Variants in B3GALT6 observed in about 807,000 individuals in gnomAD.
B3GALT6 encodes GAG GalTII.
A neutral mutation model predicts 23.3 loss-of-function variants in B3GALT6; 27 were observed. The ratio of observed to expected loss-of-function variants is 1.16; its 90% CI spans 0.85 to 1.60. The LOEUF is 1.60. B3GALT6 is among the 40% of genes most tolerant of loss of function. The pLI is 0.00. For missense variants in B3GALT6, 554 were observed against 471.1 expected (o/e 1.18, Z -1.63); for synonymous variants, 313 against 232.3 (o/e 1.35, Z -3.16).
chr1:1,234,901 G>C lies in B3GALT6; in HGVS notation c.*1633G>C, dbSNP rs1345901534. Reference sequence around the variant, plus strand: ...CAGTTCTTTGTGGCTCTGAAGAATTGGCCGCTGTGGAAAAGAGCAAATGTC... The same window carrying C: ...CAGTTCTTTGTGGCTCTGAAGAATTCGCCGCTGTGGAAAAGAGCAAATGTC... On this transcript the variant is annotated 3_prime_UTR_variant, in exon 1 of 1. Transcript: ENST00000379198. The C allele has an allele frequency of 6.0e-6, 1 of 166,848 alleles. No homozygotes were observed. The highest frequency in any genetic ancestry group is 2.4e-5 in the African/African-American group (1 of 41,432). The allele number at this position is 166,848 out of a possible 1,614,324, so 10.3% of individuals were successfully genotyped here.
In B3GALT6 at chr1:1,233,467, C is replaced by G; in HGVS notation, c.*199C>G. On this transcript the variant is annotated 3_prime_UTR_variant, in exon 1 of 1. Transcript: ENST00000379198. ...CCGTGTCCAGGTGGAGGTGCCCGTT[C>G]CTGGACCTCAGCGAGCCTGAGCCGG... is the stretch of plus-strand genomic sequence containing the variant. 1 of 670,182 alleles carries G rather than the reference C, an allele frequency of 1.5e-6. No homozygotes were observed. Among genetic ancestry groups the G allele is most frequent in the Non-Finnish European group, 2.2e-6 (1 of 447,966 alleles). 41.5% of individuals were successfully genotyped at this position (670,182 alleles called of 1,614,324 possible).
chr1:1,233,615 A>G lies in B3GALT6; in HGVS notation c.*347A>G. 3.8e-6 allele frequency: 1 copy of G among 263,292 alleles called. No homozygotes were observed. The highest frequency in any genetic ancestry group is 2.2e-5 in the African/African-American group (1 of 44,722). 16.3% of individuals were successfully genotyped at this position (263,292 alleles called of 1,614,324 possible). The stretch of plus-strand genomic sequence containing the variant: ...CGTCTCAGATCTAACGTGGTTTCAC[A>G]TCAATCCGCTTTCATGGGATTTTGG... On this transcript the variant is annotated 3_prime_UTR_variant, in exon 1 of 1. Transcript: ENST00000379198.
Position 1,232,561 on chromosome 1 carries a change from G to C in B3GALT6, c.283G>C (p.Ala95Pro). 1 of 1,178,578 alleles carries C rather than the reference G, an allele frequency of 8.5e-7. No homozygotes were observed. Among genetic ancestry groups the C allele is most frequent in the African/African-American group, 1.6e-5 (1 of 61,986 alleles). 73.0% of individuals were successfully genotyped at this position (1,178,578 alleles called of 1,614,324 possible). The change falls in exon 1 of 1, where the codon GCC becomes CCC. Residue 95 changes from alanine to proline, a missense_variant. Transcript: ENST00000379198. ...CCCGGGCGACGTGTGGGCGCGCTTT[G>C]CCGTGGGCACGGCCGGCCTGGGCGC... is the stretch of plus-strand genomic sequence containing the variant. Reference protein sequence around the residue: ...GAPGDVWARFAVGTAGLGAEE... With the variant: ...GAPGDVWARFPVGTAGLGAEE...
At position 1,232,672 on chromosome 1, in the gene B3GALT6, C is replaced by A; in HGVS notation, c.394C>A (p.Leu132Ile). Residue 132 changes from leucine to isoleucine, a missense_variant, in exon 1 of 1, where the codon CTC becomes ATC. By Grantham distance (5) the Leu-to-Ile change is conservative. Coordinates refer to ENST00000379198, the MANE Select transcript of B3GALT6 (RefSeq NM_080605.4). ...CGCGCTGCGCGACGCCTACGAAAAC[C>A]TCACGGCCAAGGTGCTGGCCATGCT... ...LPALRDAYENLTAKVLAMLAW... is the reference protein window; with the variant it reads ...LPALRDAYENITAKVLAMLAW... 7.4e-7 allele frequency: 1 copy of A among 1,352,948 alleles called. No individual in the cohort carries two copies. Among genetic ancestry groups the A allele is most frequent in the Non-Finnish European group, 9.5e-7 (1 of 1,048,368 alleles). 83.8% of individuals were successfully genotyped at this position (1,352,948 alleles called of 1,614,324 possible).
rs750875003 is a variant in B3GALT6 at position 1,233,004 on chromosome 1, C to T, written c.726C>T (p.Asp242=). The change falls in exon 1 of 1, where the codon GAC becomes GAT. Residue 242 remains aspartate, a synonymous_variant. Coordinates refer to ENST00000379198, the MANE Select transcript of B3GALT6 (RefSeq NM_080605.4). ...RDYLRAWHSE[D]VSLGAWLAPV... is the part of the protein sequence containing the mutation. ...ACCTGCGCGCCTGGCACAGCGAGGA[C>T]GTGTCTCTGGGCGCCTGGCTGGCGC... 6.4e-7 allele frequency: 1 copy of T among 1,560,472 alleles called. No individual in the cohort carries two copies. Among genetic ancestry groups the T allele is most frequent in the Non-Finnish European group, 8.6e-7 (1 of 1,159,690 alleles).
Position 1,233,714 on chromosome 1 carries a change from G to C in B3GALT6, c.*446G>C, listed in dbSNP as rs45574035. Reference sequence around the variant, plus strand: ...ACTTATTTATAAATATTGTAAGTTTGTGTCGATGAGTGTAAGTTGGCAGTG... The same window carrying C: ...ACTTATTTATAAATATTGTAAGTTTCTGTCGATGAGTGTAAGTTGGCAGTG... On this transcript the variant is annotated 3_prime_UTR_variant, in exon 1 of 1. Coordinates refer to ENST00000379198, the MANE Select transcript of B3GALT6 (RefSeq NM_080605.4). 0.023 allele frequency: 3,974 copies of C among 175,150 alleles called. 64 individuals carry two copies. The highest frequency in any genetic ancestry group is 0.046 in the African/African-American group (1,935 of 41,888). 10.8% of individuals were successfully genotyped at this position (175,150 alleles called of 1,614,324 possible).
At position 1,233,597 on chromosome 1, in the gene B3GALT6, G is replaced by T. The variant is rs1557527532; in HGVS notation, c.*329G>T. The stretch of plus-strand genomic sequence containing the variant: ...TGGCGTTTCTCACGTCTGCGTCTCA[G>T]ATCTAACGTGGTTTCACATCAATCC... On this transcript the variant is annotated 3_prime_UTR_variant, in exon 1 of 1. Coordinates refer to ENST00000379198, the MANE Select transcript of B3GALT6 (RefSeq NM_080605.4). 3.4e-6 allele frequency: 1 copy of T among 291,404 alleles called. No homozygotes were observed. Among genetic ancestry groups the T allele is most frequent in the Non-Finnish European group, 6.8e-6 (1 of 148,076 alleles). The allele number at this position is 291,404 out of a possible 1,614,324, so 18.1% of individuals were successfully genotyped here. A position where few individuals can be genotyped will look rare whatever the true frequency, so the allele number is the denominator to read the frequency against.
chr1:1,233,305 C>G lies in B3GALT6; in HGVS notation c.*37C>G, dbSNP rs767258526. On this transcript the variant is annotated 3_prime_UTR_variant, in exon 1 of 1. Coordinates refer to ENST00000379198, the MANE Select transcript of B3GALT6 (RefSeq NM_080605.4). ...CCGGCCCTCCGGGACACCTGCTTCACCCGGCGGCGCCTTGGGGCAGGTGCC... is the reference window on the plus strand; with the variant it reads ...CCGGCCCTCCGGGACACCTGCTTCAGCCGGCGGCGCCTTGGGGCAGGTGCC... 33 of 1,402,876 alleles carry G rather than the reference C, an allele frequency of 2.4e-5. No homozygotes were observed. In the East Asian group the frequency reaches 7.4e-4, roughly 31 times the overall value. 86.9% of individuals were successfully genotyped at this position (1,402,876 alleles called of 1,614,324 possible).
In B3GALT6 at chr1:1,232,787, TGCGCGCCC is replaced by T. The variant is rs778123798; in HGVS notation, c.513_520del (p.Glu174AlafsTer266). 39 of 1,370,384 alleles carry T rather than the reference TGCGCGCCC, an allele frequency of 2.8e-5. No individual in the cohort carries two copies. The highest frequency in any genetic ancestry group is 8.8e-5 in the South Asian group (5 of 56,866). 84.9% of individuals were successfully genotyped at this position (1,370,384 alleles called of 1,614,324 possible). ...CGGCTGGACGCGCTGCTGGCCGAGC[TGCGCGCCC>T]GCGAGCCCGCGCGCCGCCGCCGCCT... On this transcript the variant is annotated frameshift_variant, in exon 1 of 1. Coordinates refer to ENST00000379198, the MANE Select transcript of B3GALT6 (RefSeq NM_080605.4). LOFTEE classifies it high-confidence loss of function.
Position 1,233,184 on chromosome 1 carries a change from C to T in B3GALT6, c.906C>T (p.Arg302=). 2 of 1,543,320 alleles carry T rather than the reference C, an allele frequency of 1.3e-6. No homozygotes were observed. The highest frequency in any genetic ancestry group is 1.7e-6 in the Non-Finnish European group (2 of 1,148,792). ...CGCGCGAGGGCCGCCTGTGCAAGCG[C>T]GAGGTGCAGCTGCGCCTGTCCTACG... The part of the protein sequence containing the change: ...TLAREGRLCK[R]EVQLRLSYVY... Residue 302 remains arginine, a synonymous_variant, in exon 1 of 1, where the codon CGC becomes CGT. Transcript: ENST00000379198.
In B3GALT6 at chr1:1,232,949, T is replaced by C; in HGVS notation, c.671T>C (p.Leu224Pro). 2 of 1,565,496 alleles carry C rather than the reference T, an allele frequency of 1.3e-6. No homozygotes were observed. The highest frequency in any genetic ancestry group is 1.7e-6 in the Non-Finnish European group (2 of 1,163,938). The change falls in exon 1 of 1, where the codon CTG becomes CCG. Residue 224 changes from leucine to proline, a missense_variant. Leu to Pro is a moderately conservative substitution (Grantham distance 98). Transcript: ENST00000379198. ...GGCGGCTACGTGCTCTCGGCCGACC[T>C]GGTGCACTACCTGCGCCTCAGCCGC... The part of the protein sequence containing the change: ...LGGGYVLSAD[L>P]VHYLRLSRDY...
rs182976037 is a variant in B3GALT6, at chr1:1,234,858, C to T, written c.*1590C>T. ...TCGAACCAAGGGCTGGACTCCCACA[C>T]CTCTGGCCTGCGTCGCCCAGTTCTT... On this transcript the variant is annotated 3_prime_UTR_variant, in exon 1 of 1. Transcript: ENST00000379198. 1 of 167,000 alleles carries T rather than the reference C, an allele frequency of 6.0e-6. No individual in the cohort carries two copies. Among genetic ancestry groups the T allele is most frequent in the East Asian group, 1.9e-4 (1 of 5,186 alleles). The allele number at this position is 167,000 out of a possible 1,614,324, so 10.3% of individuals were successfully genotyped here.
rs1393190409 is a variant in B3GALT6, at chr1:1,232,503, G to C, written c.225G>C (p.Val75=). ...SAPRAAERRS[V]IRSTWLARRG... ...CCCGCGCCGCCGAGCGCCGCAGCGTGATCCGCAGCACGTGGCTTGCGCGGC... is the reference window on the plus strand; with the variant it reads ...CCCGCGCCGCCGAGCGCCGCAGCGTCATCCGCAGCACGTGGCTTGCGCGGC... The change falls in exon 1 of 1, where the codon GTG becomes GTC. Residue 75 remains valine, a synonymous_variant. Coordinates refer to ENST00000379198, the MANE Select transcript of B3GALT6 (RefSeq NM_080605.4). The C allele has an allele frequency of 2.7e-6, 3 of 1,098,936 alleles. No homozygotes were observed. The highest frequency in any genetic ancestry group is 3.3e-6 in the Non-Finnish European group (3 of 904,538). 68.1% of individuals were successfully genotyped at this position (1,098,936 alleles called of 1,614,324 possible).
rs1246132725 is a variant in B3GALT6, at chr1:1,233,827, G to C, written c.*559G>C. 6.0e-6 allele frequency: 1 copy of C among 167,076 alleles called. No individual in the cohort carries two copies. The highest frequency in any genetic ancestry group is 1.9e-4 in the East Asian group (1 of 5,214). 10.3% of individuals were successfully genotyped at this position (167,076 alleles called of 1,614,324 possible). On this transcript the variant is annotated 3_prime_UTR_variant, in exon 1 of 1. Transcript: ENST00000379198. ...TACCGTCAACCCCGCTGCTGCCCGTGTTTAAACGCAGGAGAACTTTAAAAC... is the reference window on the plus strand; with the variant it reads ...TACCGTCAACCCCGCTGCTGCCCGTCTTTAAACGCAGGAGAACTTTAAAAC...
In B3GALT6 at chr1:1,232,298, C is replaced by T; in HGVS notation, c.20C>T (p.Ala7Val). 6.1e-6 allele frequency: 6 copies of T among 981,296 alleles called. No individual in the cohort carries two copies. The highest frequency in any genetic ancestry group is 4.5e-5 in the South Asian group (1 of 22,068). The allele number at this position is 981,296 out of a possible 1,614,324, so 60.8% of individuals were successfully genotyped here. A position where few individuals can be genotyped will look rare whatever the true frequency, so the allele number is the denominator to read the frequency against. The change falls in exon 1 of 1, where the codon GCG (alanine) becomes GTG (valine). Residue 7 changes from alanine to valine, a missense_variant. Physicochemically the swap from Ala to Val is moderately conservative, Grantham distance 64. Transcript: ENST00000379198. MKLLRR[A>V]WRRRAALGLG... Reference sequence around the variant, plus strand: ...GGCGCCATGAAGCTGCTGCGGCGGGCGTGGCGGCGGCGGGCGGCGCTAGGC... The same window carrying T: ...GGCGCCATGAAGCTGCTGCGGCGGGTGTGGCGGCGGCGGGCGGCGCTAGGC...
chr1:1,234,202 G>C lies in B3GALT6; in HGVS notation c.*934G>C, dbSNP rs1292488886. 6.0e-6 allele frequency: 1 copy of C among 166,872 alleles called. No homozygotes were observed. The highest frequency in any genetic ancestry group is 2.4e-5 in the African/African-American group (1 of 41,452). The allele number at this position is 166,872 out of a possible 1,614,324, so 10.3% of individuals were successfully genotyped here. ...ATGAGCTCCCTGGAGTCCGACGCGG[G>C]TTTTCTCTCTGGGGGACCTGGGTGG... is the stretch of plus-strand genomic sequence containing the variant. On this transcript the variant is annotated 3_prime_UTR_variant, in exon 1 of 1. Coordinates refer to ENST00000379198, the MANE Select transcript of B3GALT6 (RefSeq NM_080605.4).
Position 1,232,986 on chromosome 1 carries a change from C to T in B3GALT6, c.708C>T (p.Arg236=), listed in dbSNP as rs533982228. 3.2e-6 allele frequency: 5 copies of T among 1,564,426 alleles called. No individual in the cohort carries two copies. The highest frequency in any genetic ancestry group is 2.7e-5 in the African/African-American group (2 of 74,012). The change falls in exon 1 of 1, where the codon CGC becomes CGT. Residue 236 remains arginine, a synonymous_variant. Coordinates refer to ENST00000379198, the MANE Select transcript of B3GALT6 (RefSeq NM_080605.4). ...TGCGCCTCAGCCGCGACTACCTGCG[C>T]GCCTGGCACAGCGAGGACGTGTCTC... The part of the protein sequence containing the change: ...HYLRLSRDYL[R]AWHSEDVSLG...
rs753612969 is a variant in B3GALT6 at position 1,232,926 on chromosome 1, C to A, written c.648C>A (p.Gly216=). The A allele has an allele frequency of 2.6e-6, 4 of 1,563,284 alleles. No homozygotes were observed. The highest frequency in any genetic ancestry group is 1.2e-5 in the South Asian group (1 of 86,380). The part of the protein sequence containing the change: ...CDYYLPYALG[G]GYVLSADLVH... Reference sequence around the variant, plus strand: ...ACTACCTGCCCTACGCGCTGGGCGGCGGCTACGTGCTCTCGGCCGACCTGG... The same window carrying A: ...ACTACCTGCCCTACGCGCTGGGCGGAGGCTACGTGCTCTCGGCCGACCTGG... Residue 216 remains glycine (G), a synonymous_variant, in exon 1 of 1, where the codon GGC becomes GGA. Transcript: ENST00000379198.
rs1638593096 is a variant in B3GALT6, at chr1:1,233,750, G to C, written c.*482G>C. ...TGTAAGTTGGCAGTGCGCACGTCTC[G>C]GTTTTTTTACATGATTTAAGGAAAG... On this transcript the variant is annotated 3_prime_UTR_variant, in exon 1 of 1. Coordinates refer to ENST00000379198, the MANE Select transcript of B3GALT6 (RefSeq NM_080605.4). 1 of 170,032 alleles carries C rather than the reference G, an allele frequency of 5.9e-6. No individual in the cohort carries two copies. Among genetic ancestry groups the C allele is most frequent in the Admixed American group, 6.5e-5 (1 of 15,372 alleles). 10.5% of individuals were successfully genotyped at this position (170,032 alleles called of 1,614,324 possible). A position where few individuals can be genotyped will look rare whatever the true frequency, so the allele number is the denominator to read the frequency against.
Sources: gnomAD v4.1 joint callset for allele counts on GRCh38, gnomAD v4.1.1 for gene constraint, MANE v1.5 for transcripts, NCBI Gene and HGNC (gene_info 2026-07-23, HGNC 2026-07-21) for gene names.